The following TCF7L2 variants were observed in gnomAD, a reference collection of about 807,000 sequenced individuals.
TCF7L2 encodes the protein transcription factor 7-like 2.
Under a neutral mutation model 77.9 loss-of-function variants are expected in TCF7L2, and 23 were observed. The observed-to-expected ratio is 0.30, with a 90% confidence interval of 0.21 to 0.42. TCF7L2 has a LOEUF of 0.42. TCF7L2 is among the 10% of genes least tolerant of loss of function. The pLI is 1.00. For missense variants in TCF7L2, 654 were observed against 793.1 expected, an observed-to-expected ratio of 0.82 and a Z score of 2.11; for synonymous variants, 413 against 340.2, an observed-to-expected ratio of 1.21 and a Z score of -2.36.
Position 112,950,786 on chromosome 10 carries a change from T to A in TCF7L2, c.30T>A (p.Asp10Glu), listed in dbSNP as rs2134176478. Residue 10 changes from aspartate to glutamate, a missense_variant, in exon 1 of 14, where the codon GAT (aspartate) becomes GAA (glutamate). Physicochemically the swap from Asp to Glu is conservative, Grantham distance 45 (BLOSUM62 2). Around this residue, in one of 6 missense-constraint regions of TCF7L2, gnomAD observed 37 missense variants for 48.1 expected, o/e 0.77. Transcript: ENST00000627217. The stretch of plus-strand genomic sequence containing the variant: ...CGCAGCTGAACGGCGGTGGAGGGGA[T>A]GACCTAGGCGCCAACGACGAACTGA... 1.3e-6 allele frequency: 2 copies of A among 1,582,788 alleles called. No individual in the cohort carries two copies. Among genetic ancestry groups the A allele is most frequent in the Non-Finnish European group, 1.7e-6 (2 of 1,162,794 alleles).
intron 4 of TCF7L2, among the ~76,000 whole-genome samples, chr10:113,023,730 G>A (rs1240810897): frequency 3.3e-5 from 5 of 151,610 alleles, no homozygotes; most frequent in Non-Finnish European, 5.9e-5. Flanking sequence ...GTGCAATGGC[G>A]TGATCTCGGC....
chr10:112,998,396 G>T (rs1208486882), intron 4 of TCF7L2, among the ~76,000 whole-genome samples: 1 of 152,174 alleles, frequency 6.6e-6, no homozygotes, highest in South Asian at 2.1e-4. Context: ...GGTTGCACAT[G>T]TGAAAGAAAA....
intron 3 of TCF7L2, chr10:112,951,942 C>T (rs974911265): frequency 2.0e-5 from 3 of 152,264 alleles, no homozygotes; most frequent in Non-Finnish European, 4.4e-5. Flanking sequence ...TCCCCCTCCC[C>T]CTTTGGTGGT....
At chr10:113,129,906 G>A in intron 5 of TCF7L2, 1 of 1,293,360 alleles carries the variant, frequency 7.7e-7, no homozygotes, top group Non-Finnish European at 1.0e-6. Flanking sequence ...TGGAAGATTT[G>A]AGTGGTAAGG....
chr10:113,032,863 T>C (rs1252654370), intron 4 of TCF7L2, among the ~76,000 whole-genome samples: 5 of 152,226 alleles, frequency 3.3e-5, no homozygotes, highest in African/African-American at 1.2e-4. Flanking sequence ...TGAAGTGATA[T>C]TAGTGCTCTT....
At chr10:112,971,929 C>T (rs1203877617) in intron 4 of TCF7L2, among the ~76,000 whole-genome samples, 1 of 150,524 alleles carries the variant, frequency 6.6e-6, no homozygotes, top group African/African-American at 2.4e-5. Flanking sequence ...TTTTTCTTTC[C>T]TTTTTTTTTG....
chr10:113,132,685 T>C (rs2066781940), intron 5 of TCF7L2, among the ~76,000 whole-genome samples: 1 of 152,250 alleles, frequency 6.6e-6, no homozygotes, highest in Non-Finnish European at 1.5e-5. Context: ...TGTACTCTCT[T>C]ACCCAATTCC....
intron 5 of TCF7L2, among the ~76,000 whole-genome samples, chr10:113,119,855 C>T (rs1039146009): frequency 6.6e-6 from 1 of 152,162 alleles, no homozygotes; most frequent in Non-Finnish European, 1.5e-5. Flanking sequence ...TCCACTACCC[C>T]CAAGCGGTCT....
chr10:113,153,281 C>T (rs72828142), intron 11 of TCF7L2, among the ~76,000 whole-genome samples: 69 of 152,358 alleles, frequency 4.5e-4, no homozygotes, highest in Non-Finnish European at 7.8e-4. Flanking sequence ...CCAGTAACTC[C>T]GCTTTCCTCT....
chr10:113,072,119 C>T (rs905418229), intron 5 of TCF7L2, among the ~76,000 whole-genome samples: 6 of 150,744 alleles, frequency 4.0e-5, no homozygotes, highest in Non-Finnish European at 7.4e-5. Flanking sequence ...TGCAGTGGCA[C>T]GATCTCGGCT....
At position 112,950,672 on chromosome 10, in the gene TCF7L2, G is replaced by T. The variant is rs1397596262; in HGVS notation, c.-85G>T. On this transcript the variant is annotated 5_prime_UTR_variant, in exon 1 of 14. Transcript: ENST00000627217. ...TTTTCTTGCAATATTTTTTGGGGGGGCAAAACTTTTTGGGGGTGATTTTTT... is the reference window on the plus strand; with the variant it reads ...TTTTCTTGCAATATTTTTTGGGGGGTCAAAACTTTTTGGGGGTGATTTTTT... 8 of 1,481,656 alleles carry T rather than the reference G, an allele frequency of 5.4e-6. No individual in the cohort carries two copies. The highest frequency in any genetic ancestry group is 7.2e-6 in the Non-Finnish European group (8 of 1,111,478). The allele number at this position is 1,481,656 out of a possible 1,614,324, so 91.8% of individuals were successfully genotyped here. A position where few individuals can be genotyped will look rare whatever the true frequency, so the allele number is the denominator to read the frequency against.
intron 5 of TCF7L2, among the ~76,000 whole-genome samples, chr10:113,095,342 A>G (rs1160040974): frequency 6.6e-6 from 1 of 152,134 alleles, no homozygotes; most frequent in Non-Finnish European, 1.5e-5. Flanking sequence ...TCTCTACCCC[A>G]GTTCATGCTC....
chr10:113,139,177 C>A (rs1001504842), intron 5 of TCF7L2, among the ~76,000 whole-genome samples: 5 of 152,190 alleles, frequency 3.3e-5, no homozygotes, highest in African/African-American at 1.2e-4. Context: ...ATGTATCTTT[C>A]CAACCAAAGA....
intron 5 of TCF7L2, among the ~76,000 whole-genome samples, chr10:113,111,221 A>G (rs1199801244): frequency 5.9e-5 from 9 of 152,174 alleles, no homozygotes; most frequent in Admixed American, 5.2e-4. Context: ...TATACCATCA[A>G]GGTACTCTGG....
At chr10:112,989,802 ATGT>A (rs1397921795) in intron 4 of TCF7L2, among the ~76,000 whole-genome samples, 1 of 152,138 alleles carries the variant, frequency 6.6e-6, no homozygotes, top group Non-Finnish European at 1.5e-5. Flanking sequence ...TAGATCTAAA[ATGT>A]TGTTGTGGTG....
At chr10:113,030,326 G>A (rs921565018) in intron 4 of TCF7L2, among the ~76,000 whole-genome samples, 17 of 152,230 alleles carry the variant, frequency 1.1e-4, no homozygotes, top group South Asian at 2.1e-4. Flanking sequence ...TTGAGACTTG[G>A]TGCATTCTTA....
rs11196251 is a variant in TCF7L2, at chr10:113,167,031, C to T, written c.*1059C>T. ...ACTCCCAGTGGGATGCCCTACCCTG[C>T]GCCCTTAGGACCCGGACTGACCGTG... is the stretch of plus-strand genomic sequence containing the variant. On this transcript the variant is annotated 3_prime_UTR_variant, in exon 14 of 14. Transcript: ENST00000627217. 0.045 allele frequency: 10,330 copies of T among 231,216 alleles called. 619 individuals carry two copies. The highest frequency in any genetic ancestry group is 0.22 in the East Asian group (3,598 of 16,274). 14.3% of individuals were successfully genotyped at this position (231,216 alleles called of 1,614,324 possible). A position where few individuals can be genotyped will look rare whatever the true frequency, so the allele number is the denominator to read the frequency against.
At chr10:113,063,786 A>G (rs187305302) in intron 5 of TCF7L2, among the ~76,000 whole-genome samples, 1 of 152,290 alleles carries the variant, frequency 6.6e-6, no homozygotes, top group African/African-American at 2.4e-5. Flanking sequence ...TTCTTTAGGA[A>G]AAGGGGAAGG....
intron 6 of TCF7L2, 141 bp downstream of exon 6, chr10:113,141,457 C>T: frequency 1.6e-6 from 2 of 1,246,014 alleles, no homozygotes; most frequent in Non-Finnish European, 1.1e-6. Flanking sequence ...TGTTGCTTTT[C>T]TGGGTGTTGA....
Sources: allele counts gnomAD v4.1 joint callset (sites outside exome capture counted in the v4.1 genomes callset), GRCh38; gene constraint gnomAD v4.1.1; regional missense constraint gnomAD v4.1.1; transcripts MANE v1.5; gene names NCBI Gene and HGNC (gene_info 2026-07-23, HGNC 2026-07-21).